The following EVI5 variants were observed in gnomAD, a reference collection of about 807,000 sequenced individuals.
EVI5 encodes ecotropic viral integration site 5.
In EVI5, 73 loss-of-function variants were observed where a neutral mutation model predicts 112.0. The ratio of observed to expected loss-of-function variants is 0.65; its 90% confidence interval spans 0.54 to 0.79. The LOEUF (loss-of-function observed/expected upper bound fraction) is 0.79. EVI5 is among the 30% of genes least tolerant of loss of function. EVI5 has a pLI of 0.00. For synonymous variants in EVI5, 305 were observed against 319.9 expected, an observed-to-expected ratio of 0.95 and a Z score of 0.50; for missense variants, 900 against 968.8, an observed-to-expected ratio of 0.93 and a Z score of 0.94.
rs540188200 is a variant in EVI5, at chr1:92,566,151, T to G, written c.2071-2414A>C. Among the ~76,000 whole-genome samples the G allele has an allele frequency of 2.6e-5, 4 of 152,188 alleles. No individual in the cohort carries two copies. The South Asian group carries it at 8.3e-4, about 32-fold the overall frequency. On this transcript the variant is annotated intron_variant, in intron 18 of 19. Coordinates refer to ENST00000684568, the MANE Select transcript of EVI5 (RefSeq NM_001350197.2). ...CTCCCTGTTTTTTGTTTGTTTTGCTTTGTTCTCTTTCTTTTGACAATCTGT... is the reference window on the plus strand; with the variant it reads ...CTCCCTGTTTTTTGTTTGTTTTGCTGTGTTCTCTTTCTTTTGACAATCTGT...
intron 18 of EVI5, among the ~76,000 whole-genome samples, chr1:92,595,912 A>G (rs966956711): frequency 1.3e-5 from 2 of 152,250 alleles, no homozygotes; most frequent in African/African-American, 4.8e-5. Flanking sequence ...GAAAACTTAT[A>G]TAACTACCAT....
chr1:92,762,740 A>G (rs989777028), intron 1 of EVI5, among the ~76,000 whole-genome samples: 1 of 152,184 alleles, frequency 6.6e-6, no homozygotes, highest in Admixed American at 6.5e-5. Flanking sequence ...TCCTCTGAAA[A>G]CAGCCTATTA....
chr1:92,643,291 CTTTTTTTT>C (rs34807551), intron 13 of EVI5, among the ~76,000 whole-genome samples: 1 of 123,064 alleles, frequency 8.1e-6, no homozygotes, highest in Non-Finnish European at 1.7e-5. Flanking sequence ...TAACTCAAAT[CTTTTTTTT>C]TTTTTTTTTT....
intron 5 of EVI5, 47 bp from the exon 6 acceptor site, chr1:92,698,032 C>A: frequency 6.5e-7 from 1 of 1,544,584 alleles, no homozygotes; most frequent in Non-Finnish European, 8.8e-7. Context: ...TTCTCTGATA[C>A]ACAAATAAAC....
At chr1:92,772,898 C>A (rs1683613603) in intron 1 of EVI5, among the ~76,000 whole-genome samples, 1 of 104,360 alleles carries the variant, frequency 9.6e-6, no homozygotes, top group Non-Finnish European at 1.9e-5. Flanking sequence ...AAGAGAGAAA[C>A]CCCATCTTAA....
At chr1:92,575,931 G>A (rs1671012330) in intron 18 of EVI5, among the ~76,000 whole-genome samples, 2 of 152,088 alleles carry the variant, frequency 1.3e-5, no homozygotes, top group Non-Finnish European at 2.9e-5. Flanking sequence ...TCTGTAGATT[G>A]TATATTATCT....
chr1:92,622,200 C>G, intron 16 of EVI5: 1 of 268,532 alleles, frequency 3.7e-6, no homozygotes, highest in Non-Finnish European at 7.4e-6. Flanking sequence ...TGTGTTGTAT[C>G]TCTATGTGAT....
At chr1:92,778,780 C>T (rs768714311) in intron 1 of EVI5, among the ~76,000 whole-genome samples, 3 of 152,086 alleles carry the variant, frequency 2.0e-5, no homozygotes, top group Admixed American at 6.6e-5. Flanking sequence ...GGGAGTGAGA[C>T]AACAGAAGAA....
At chr1:92,576,771 T>C (rs1671152974) in intron 18 of EVI5, among the ~76,000 whole-genome samples, 1 of 152,222 alleles carries the variant, frequency 6.6e-6, no homozygotes, top group Non-Finnish European at 1.5e-5. Flanking sequence ...GTGATATGTA[T>C]TCTCCCAGTT....
intron 10 of EVI5, among the ~76,000 whole-genome samples, chr1:92,672,937 C>A (rs955902264): frequency 3.5e-4 from 53 of 152,278 alleles, no homozygotes; most frequent in African/African-American, 1.3e-3. Context: ...TAACACAAAT[C>A]AGACTTCAAA....
At chr1:92,619,774 T>G (rs1015827928) in intron 16 of EVI5, among the ~76,000 whole-genome samples, 2 of 151,894 alleles carry the variant, frequency 1.3e-5, no homozygotes, top group Non-Finnish European at 1.5e-5. Context: ...AAATTTTTTT[T>G]TTGTTAAAGA....
chr1:92,529,258 C>T (rs1261504901), intron 19 of EVI5, among the ~76,000 whole-genome samples: 1 of 152,178 alleles, frequency 6.6e-6, no homozygotes, highest in African/African-American at 2.4e-5. Context: ...ACACACTCTT[C>T]AACATATTAT....
intron 18 of EVI5, among the ~76,000 whole-genome samples, chr1:92,583,652 C>T (rs1672320700): frequency 6.7e-6 from 1 of 148,690 alleles, no homozygotes; most frequent in Non-Finnish European, 1.5e-5. Context: ...TTTAAATTTG[C>T]AATTATTTTC....
chr1:92,524,997 T>C (rs1404322332), intron 19 of EVI5, among the ~76,000 whole-genome samples: 1 of 151,942 alleles, frequency 6.6e-6, no homozygotes, highest in Non-Finnish European at 1.5e-5. Context: ...CCAGCTAATT[T>C]TTGTATTTTT....
chr1:92,779,437 G>A (rs1046341931), intron 1 of EVI5, among the ~76,000 whole-genome samples: 21 of 151,912 alleles, frequency 1.4e-4, no homozygotes, highest in African/African-American at 4.6e-4. Context: ...ACGGGGAATC[G>A]CTTGTACCCG....
At chr1:92,558,745 T>C (rs1042823003) in intron 19 of EVI5, among the ~76,000 whole-genome samples, 3 of 151,118 alleles carry the variant, frequency 2.0e-5, no homozygotes, top group African/African-American at 4.9e-5. Flanking sequence ...TGCAGCCCTG[T>C]AGTCCCAGCT....
intron 18 of EVI5, among the ~76,000 whole-genome samples, chr1:92,597,054 C>G (rs6603997): frequency 0.57 from 87,022 of 151,802 alleles, 26,590 homozygotes; most frequent in East Asian, 0.92. Context: ...ATGAGTGAAC[C>G]AACAAATACA....
chr1:92,583,168 A>G (rs1456963331), intron 18 of EVI5, among the ~76,000 whole-genome samples: 1 of 152,136 alleles, frequency 6.6e-6, no homozygotes, highest in Admixed American at 6.5e-5. Context: ...ACTATAGTGT[A>G]ACCATTCTCC....
At chr1:92,709,905 A>AG (rs1252356411) in intron 2 of EVI5, among the ~76,000 whole-genome samples, 1 of 151,718 alleles carries the variant, frequency 6.6e-6, no homozygotes, top group Non-Finnish European at 1.5e-5. Flanking sequence ...ATGGTGGGGG[A>AG]GGGGCGCACT....
Sources: allele counts gnomAD v4.1 joint callset (sites outside exome capture counted in the v4.1 genomes callset), GRCh38; gene constraint gnomAD v4.1.1; transcripts MANE v1.5; gene names NCBI Gene and HGNC (gene_info 2026-07-23, HGNC 2026-07-21).